Variants in MAST4 observed in about 807,000 individuals in gnomAD.
The protein encoded by MAST4 is microtubule associated serine/threonine kinase family member 4.
A neutral mutation model predicts 162.7 loss-of-function variants in MAST4; 89 were observed. The observed-to-expected ratio is 0.55, with a 90% CI of 0.46 to 0.65. MAST4 has a LOEUF of 0.65. MAST4 is among the 30% of genes least tolerant of loss of function. The probability of loss-of-function intolerance (pLI) is 0.00; values close to 1 mark genes in which losing one functional copy is unlikely to be tolerated. For synonymous variants in MAST4, 1,479 were observed against 1,361.1 expected, an observed-to-expected ratio of 1.09 and a Z score of -1.91; for missense variants, 3,153 against 3,374.0, an observed-to-expected ratio of 0.93 and a Z score of 1.62.
intron 1 of MAST4, among the ~76,000 whole-genome samples, chr5:66,755,246 G>A (rs529021131): frequency 1.3e-5 from 2 of 152,306 alleles, no homozygotes; most frequent in East Asian, 3.9e-4. Context: ...GAGTGTGAAA[G>A]AGAAGTTAAG....
intron 4 of MAST4, among the ~76,000 whole-genome samples, chr5:67,046,991 C>T (rs764481104): frequency 6.6e-6 from 1 of 152,184 alleles, no homozygotes; most frequent in Non-Finnish European, 1.5e-5. Context: ...AAGCCTGAGG[C>T]ACTCAGGCTG....
At chr5:67,047,837 T>C (rs561753544) in intron 4 of MAST4, among the ~76,000 whole-genome samples, 31 of 152,290 alleles carry the variant, frequency 2.0e-4, no homozygotes, top group African/African-American at 7.2e-4. Context: ...AGCTTTGTTG[T>C]TTGTCTCTGC....
At chr5:67,022,099 T>C (rs986952548) in intron 4 of MAST4, among the ~76,000 whole-genome samples, 2 of 152,222 alleles carry the variant, frequency 1.3e-5, no homozygotes, top group Non-Finnish European at 2.9e-5. Flanking sequence ...TGTGAGTGTC[T>C]TGAGACATAG....
At chr5:66,931,843 A>G (rs1158265308) in intron 4 of MAST4, among the ~76,000 whole-genome samples, 2 of 152,154 alleles carry the variant, frequency 1.3e-5, no homozygotes, top group African/African-American at 2.4e-5. Flanking sequence ...CAACCAGAAT[A>G]ATACTGACAC....
chr5:66,797,972 A>G (rs897966705), intron 3 of MAST4, among the ~76,000 whole-genome samples: 1 of 152,334 alleles, frequency 6.6e-6, no homozygotes, highest in East Asian at 1.9e-4. Context: ...CTTAATCTGC[A>G]CCCTAGAATA....
At chr5:67,006,852 C>G (rs1317156844) in intron 4 of MAST4, among the ~76,000 whole-genome samples, 2 of 152,134 alleles carry the variant, frequency 1.3e-5, no homozygotes, top group East Asian at 1.9e-4. Flanking sequence ...AATGGGAGAG[C>G]ATTGGGTGGG....
intron 23 of MAST4, among the ~76,000 whole-genome samples, chr5:67,146,319 C>A (rs563620333): frequency 6.6e-6 from 1 of 152,272 alleles, no homozygotes; most frequent in Admixed American, 6.5e-5. Context: ...TGGAGGTATC[C>A]TCACTAGATA....
At chr5:66,825,842 A>G (rs2149743483) in intron 3 of MAST4, among the ~76,000 whole-genome samples, 1 of 152,322 alleles carries the variant, frequency 6.6e-6, no homozygotes, top group Admixed American at 6.5e-5. Flanking sequence ...TGATTTGAAT[A>G]CACATGTAAA....
intron 1 of MAST4, among the ~76,000 whole-genome samples, chr5:66,684,324 G>GAGGGAAAATGT: frequency 6.6e-6 from 1 of 151,518 alleles, no homozygotes; most frequent in Admixed American, 6.6e-5. Context: ...AGAGTTGTTG[G>GAGGGAAAATGT]AGGGAAAATG....
intron 4 of MAST4, among the ~76,000 whole-genome samples, chr5:67,017,947 A>G (rs925011122): frequency 4.6e-5 from 7 of 152,154 alleles, no homozygotes; most frequent in African/African-American, 1.7e-4. Context: ...CAGTTTGATA[A>G]TGCTAATATA....
At chr5:66,669,996 C>T (rs1747507863) in intron 1 of MAST4, among the ~76,000 whole-genome samples, 1 of 152,170 alleles carries the variant, frequency 6.6e-6, no homozygotes, top group Non-Finnish European at 1.5e-5. Flanking sequence ...AAGAGGTGAG[C>T]CTGGGAAGCC....
intron 5 of MAST4, among the ~76,000 whole-genome samples, chr5:67,071,408 A>G (rs993981747): frequency 2.0e-5 from 3 of 152,178 alleles, no homozygotes; most frequent in Non-Finnish European, 2.9e-5. Context: ...TATATTCAAG[A>G]ACACACAAAA....
At chr5:66,638,444 C>A (rs1000599265) in intron 1 of MAST4, among the ~76,000 whole-genome samples, 2 of 152,138 alleles carry the variant, frequency 1.3e-5, no homozygotes, top group Non-Finnish European at 2.9e-5. Context: ...GGGTAAGTAT[C>A]CCTTATCTGA....
intron 3 of MAST4, among the ~76,000 whole-genome samples, chr5:66,870,184 C>T (rs999098271): frequency 6.6e-6 from 1 of 152,134 alleles, no homozygotes; most frequent in African/African-American, 2.4e-5. Context: ...AGACTTAATG[C>T]TAAATCTCTG....
chr5:66,840,376 T>C (rs1471756242), intron 3 of MAST4, among the ~76,000 whole-genome samples: 1 of 152,216 alleles, frequency 6.6e-6, no homozygotes, highest in African/African-American at 2.4e-5. Context: ...TTGATTTGAC[T>C]CTATTTTTTC....
At chr5:67,049,009 ATATATATATATACG>A (rs1757737977) in intron 4 of MAST4, among the ~76,000 whole-genome samples, 2 of 125,430 alleles carry the variant, frequency 1.6e-5, no homozygotes, top group African/African-American at 6.4e-5. Context: ...ATACACACAC[ATATATATATATACG>A]TATATATATA....
intron 4 of MAST4, among the ~76,000 whole-genome samples, chr5:66,932,319 C>T (rs892548368): frequency 6.6e-6 from 1 of 152,116 alleles, no homozygotes; most frequent in Non-Finnish European, 1.5e-5. Flanking sequence ...AGTTTACTTA[C>T]TCAAACAGTA....
chr5:66,893,892 CT>C (rs1762518548), intron 3 of MAST4, among the ~76,000 whole-genome samples: 1 of 152,132 alleles, frequency 6.6e-6, no homozygotes, highest in Non-Finnish European at 1.5e-5. Flanking sequence ...ATGGTATGAA[CT>C]TTTTTGTCCT....
chr5:66,910,880 T>C (rs950098249), intron 4 of MAST4, among the ~76,000 whole-genome samples: 3 of 151,994 alleles, frequency 2.0e-5, no homozygotes, highest in African/African-American at 7.3e-5. Flanking sequence ...CCCAAGTAGC[T>C]GGGACTACAG....
Sources: allele counts gnomAD v4.1 joint callset (sites outside exome capture counted in the v4.1 genomes callset), GRCh38; gene constraint gnomAD v4.1.1; transcripts MANE v1.5; gene names NCBI Gene and HGNC (gene_info 2026-07-23, HGNC 2026-07-21).